SIPA1L2: variants seen among roughly 807,000 people sequenced by gnomAD.
SIPA1L2 encodes signal-induced proliferation-associated 1-like protein 2.
Under a neutral mutation model 163.9 loss-of-function variants are expected in SIPA1L2, and 56 were observed. The observed-to-expected ratio is 0.34, with a 90% CI of 0.28 to 0.43. SIPA1L2 has a LOEUF of 0.43. Among genes scored for constraint, SIPA1L2 ranks in the 20% least tolerant of loss-of-function variants. The probability of loss-of-function intolerance (pLI) is 1.00; values close to 1 mark genes in which losing one functional copy is unlikely to be tolerated. For synonymous variants in SIPA1L2, 877 were observed against 865.7 expected (o/e 1.01, Z -0.23); for missense variants, 1,974 against 2,193.5 (o/e 0.90, Z 2.00).
chr1:232,509,318 C>T (rs567823405), intron 3 of SIPA1L2, among the ~76,000 whole-genome samples: 1 of 152,162 alleles, frequency 6.6e-6, no homozygotes, highest in Admixed American at 6.5e-5. Flanking sequence ...ATTAAAGTAT[C>T]GCACTTTAAA....
At chr1:232,493,932 T>C (rs560192414) in intron 3 of SIPA1L2, among the ~76,000 whole-genome samples, 5 of 152,328 alleles carry the variant, frequency 3.3e-5, no homozygotes, top group African/African-American at 1.2e-4. Context: ...TTTGTGATCA[T>C]GTGAATAGCA....
chr1:232,514,448 C>T lies in SIPA1L2; in HGVS notation c.892G>A (p.Val298Ile). 6.2e-7 allele frequency: 1 copy of T among 1,614,210 alleles called. No homozygotes were observed. Among genetic ancestry groups the T allele is most frequent in the Non-Finnish European group, 8.5e-7 (1 of 1,180,038 alleles). ...TTGAAAGTTTCGTGCTCACTTTTAACAGTTCGAAGCTTTCGGAAGAGAGAT... is the reference window on the plus strand; with the variant it reads ...TTGAAAGTTTCGTGCTCACTTTTAATAGTTCGAAGCTTTCGGAAGAGAGAT... ...ETSLFRKLRT[V>I]KSEHETFKFT... Residue 298 changes from valine to isoleucine, a missense_variant, in exon 3 of 23, where the codon GTT (valine) becomes ATT (isoleucine). Val to Ile is a conservative substitution (Grantham distance 29). This residue lies in a region of SIPA1L2 where 607 missense variants were observed against 624.0 expected (regional missense o/e 0.97). Transcript: ENST00000674635.
chr1:232,487,952 A>G (rs7411145), intron 5 of SIPA1L2, among the ~76,000 whole-genome samples: 100 of 150,968 alleles, frequency 6.6e-4, no homozygotes, highest in African/African-American at 2.1e-3. Context: ...ACACACACAC[A>G]CACGCACACA....
chr1:232,399,256 G>A lies in SIPA1L2; in HGVS notation c.5040C>T (p.Ala1680=), dbSNP rs747067876. The change falls in exon 23 of 23, where the codon GCC becomes GCT. Residue 1680 remains alanine (A), a synonymous_variant. Coordinates refer to ENST00000674635, the MANE Select transcript of SIPA1L2 (RefSeq NM_020808.5). ...TDLRKEKQDK[A]VLQAEVQHLR... is the part of the protein sequence containing the mutation. ...GGTGCTGCACTTCTGCTTGGAGAAC[G>A]GCCTTGTCTTGTTTTTCCTGGTCAG... 7.4e-6 allele frequency: 12 copies of A among 1,613,348 alleles called. No homozygotes were observed. Among genetic ancestry groups the A allele is most frequent in the East Asian group, 2.2e-5 (1 of 44,838 alleles).
At position 232,439,261 on chromosome 1, in the gene SIPA1L2, C is replaced by A. The variant is rs753109956; in HGVS notation, c.3878G>T (p.Arg1293Leu). Residue 1293 changes from arginine (R) to leucine (L), a missense_variant, in exon 15 of 23, where the codon CGG (arginine) becomes CTG (leucine). Arg to Leu is a moderately radical substitution (Grantham distance 102). Around this residue, in one of 3 missense-constraint regions of SIPA1L2, gnomAD observed 1,079 missense variants for 1,150.7 expected, o/e 0.94. Transcript: ENST00000674635. ...LAGSRSLIHS[R>L]AEQWADAADV... is the part of the protein sequence containing the mutation. ...GGCAGCATCAGCCCACTGCTCGGCC[C>A]GGCTGTGGATCAGGGACCTGCTGCC... 8 of 1,614,070 alleles carry A rather than the reference C, an allele frequency of 5.0e-6. No homozygotes were observed. Among genetic ancestry groups the A allele is most frequent in the Non-Finnish European group, 6.8e-6 (8 of 1,180,042 alleles).
At chr1:232,557,708 G>T (rs1658794471) in intron 2 of SIPA1L2, among the ~76,000 whole-genome samples, 1 of 152,158 alleles carries the variant, frequency 6.6e-6, no homozygotes, top group Non-Finnish European at 1.5e-5. Context: ...TTATTTACAT[G>T]CTTGTCTATC....
At chr1:232,622,070 A>G (rs1662838052) in intron 1 of SIPA1L2, among the ~76,000 whole-genome samples, 1 of 152,238 alleles carries the variant, frequency 6.6e-6, no homozygotes, top group African/African-American at 2.4e-5. Flanking sequence ...ATTCCAAACA[A>G]ATGAGTTACA....
chr1:232,556,405 C>T (rs1470872084), intron 2 of SIPA1L2, among the ~76,000 whole-genome samples: 2 of 152,130 alleles, frequency 1.3e-5, no homozygotes, highest in African/African-American at 4.8e-5. Context: ...CTTCTTCTCT[C>T]CCTTTAGCGA....
rs1289451956 is a variant in SIPA1L2 at position 232,455,625 on chromosome 1, G to A, written c.3095+5262C>T. On this transcript the variant is annotated intron_variant, in intron 10 of 22. Coordinates refer to ENST00000674635, the MANE Select transcript of SIPA1L2 (RefSeq NM_020808.5). ...GAACCCGTGAGGCGGAGCTTGCAGC[G>A]AGGCGGAGCTTGCAGCGAGCCGGAG... Among the ~76,000 whole-genome samples the A allele has an allele frequency of 6.9e-5, 5 of 72,184 alleles. No individual in the cohort carries two copies. In the South Asian group the frequency reaches 1.5e-3, roughly 22 times the overall value. The allele number at this position is 72,184 out of a possible 152,430, so 47.4% of individuals were successfully genotyped here. A position where few individuals can be genotyped will look rare whatever the true frequency, so the allele number is the denominator to read the frequency against.
chr1:232,405,441 C>A (rs892545792), intron 19 of SIPA1L2, among the ~76,000 whole-genome samples: 2 of 152,310 alleles, frequency 1.3e-5, no homozygotes, highest in Admixed American at 1.3e-4. Context: ...AAGTAATTTG[C>A]TATTTAATTA....
chr1:232,504,206 C>CA (rs1341118190), intron 3 of SIPA1L2, among the ~76,000 whole-genome samples: 1 of 148,510 alleles, frequency 6.7e-6, no homozygotes, highest in Admixed American at 6.7e-5. Flanking sequence ...CATCTCAAAA[C>CA]AAAAAATAAC....
intron 6 of SIPA1L2, among the ~76,000 whole-genome samples, chr1:232,480,811 C>CT (rs1665310359): frequency 6.6e-6 from 1 of 152,062 alleles, no homozygotes. Flanking sequence ...TTAAGTTAAT[C>CT]TTTTTTTAAT....
At chr1:232,403,322 T>C (rs539406649) in intron 21 of SIPA1L2, 126 bp downstream of exon 21, 1 of 1,266,910 alleles carries the variant, frequency 7.9e-7, no homozygotes, top group East Asian at 2.4e-5. Context: ...CTCTGGATTC[T>C]TCAGGACTGG....
In SIPA1L2 at chr1:232,507,661, C is replaced by T. The variant is rs564944961; in HGVS notation, c.1483+6196G>A. On this transcript the variant is annotated intron_variant, in intron 3 of 22. Transcript: ENST00000674635. Reference sequence around the variant, plus strand: ...AAGGGGACAGGAAATTATGCATCTTCCCCTATTACTGTGCTTCTATCAAGC... The same window carrying T: ...AAGGGGACAGGAAATTATGCATCTTTCCCTATTACTGTGCTTCTATCAAGC... 4.6e-5 allele frequency among the ~76,000 whole-genome samples: 7 copies of T among 152,320 alleles called. No individual in the cohort carries two copies. The East Asian group carries it at 1.3e-3, about 29-fold the overall frequency.
intron 3 of SIPA1L2, among the ~76,000 whole-genome samples, chr1:232,502,088 T>C (rs886392849): frequency 1.3e-5 from 2 of 152,182 alleles, no homozygotes; most frequent in Non-Finnish European, 2.9e-5. Context: ...ATGTTATAAT[T>C]ATAAAAAGCT....
chr1:232,532,596 G>A (rs1657032737), intron 2 of SIPA1L2, among the ~76,000 whole-genome samples: 2 of 152,098 alleles, frequency 1.3e-5, no homozygotes, highest in South Asian at 4.2e-4. Flanking sequence ...GTTTTTCAAT[G>A]GGGATAAAAA....
chr1:232,577,347 T>G (rs1254925951), intron 1 of SIPA1L2, among the ~76,000 whole-genome samples: 1 of 152,232 alleles, frequency 6.6e-6, no homozygotes, highest in Non-Finnish European at 1.5e-5. Context: ...TCATTGACAA[T>G]GCATCTGGTT....
rs1264663447 is a variant in SIPA1L2 at position 232,572,692 on chromosome 1, T to C, written c.-270+1482A>G. 3.1e-3 allele frequency among the ~76,000 whole-genome samples: 149 copies of C among 48,584 alleles called. 3 individuals carry two copies. The highest frequency in any genetic ancestry group is 0.023 in the Admixed American group (111 of 4,868). The allele number at this position is 48,584 out of a possible 152,430, so 31.9% of individuals were successfully genotyped here. A position where few individuals can be genotyped will look rare whatever the true frequency, so the allele number is the denominator to read the frequency against. ...ATATATATATACACACACATATACATACATATATATATATATATATATATA... is the reference window on the plus strand; with the variant it reads ...ATATATATATACACACACATATACACACATATATATATATATATATATATA... On this transcript the variant is annotated intron_variant, in intron 2 of 22. Coordinates refer to ENST00000674635, the MANE Select transcript of SIPA1L2 (RefSeq NM_020808.5).
intron 1 of SIPA1L2, among the ~76,000 whole-genome samples, chr1:232,576,973 C>A (rs1290701986): frequency 6.6e-6 from 1 of 152,136 alleles, no homozygotes; most frequent in Non-Finnish European, 1.5e-5. Flanking sequence ...ACAAGGAGAG[C>A]TACACTAAAC....
Sources: allele counts gnomAD v4.1 joint callset (sites outside exome capture counted in the v4.1 genomes callset), GRCh38; gene constraint gnomAD v4.1.1; regional missense constraint gnomAD v4.1.1; transcripts MANE v1.5; gene names NCBI Gene and HGNC (gene_info 2026-07-23, HGNC 2026-07-21).